The following PRPF8 variants were observed in gnomAD, a reference collection of about 807,000 sequenced individuals.
PRPF8 encodes the protein pre-mRNA-processing-splicing factor 8.
A neutral mutation model predicts 285.9 loss-of-function variants in PRPF8; 64 were observed. The ratio of observed to expected loss-of-function variants is 0.22; its 90% CI spans 0.18 to 0.28. The LOEUF (loss-of-function observed/expected upper bound fraction) is 0.28. Among genes scored for constraint, PRPF8 ranks in the 10% least tolerant of loss-of-function variants. PRPF8 has a pLI of 1.00. For missense variants in PRPF8, 1,426 were observed against 3,026.7 expected (o/e 0.47, Z 12.41); for synonymous variants, 1,325 against 1,118.2 (o/e 1.18, Z -3.69).
Position 1,676,148 on chromosome 17 carries a change from G to C in PRPF8, c.2552+59C>G. On this transcript the variant is annotated intron_variant, in intron 17 of 42. Transcript: ENST00000304992. The surrounding 1 kb of genome is among the most constrained non-coding windows in gnomAD (Gnocchi z 6.3). ...ACACCTTCTTTCTTTGGACTCTGAGGATGACGCCATTCCCTGCTGTCACCT... is the reference window on the plus strand; with the variant it reads ...ACACCTTCTTTCTTTGGACTCTGAGCATGACGCCATTCCCTGCTGTCACCT... The C allele has an allele frequency of 1.2e-6, 2 of 1,612,072 alleles. No homozygotes were observed. The highest frequency in any genetic ancestry group is 1.7e-6 in the Non-Finnish European group (2 of 1,179,844).
At chr17:1,667,081 G>A (rs770616425) in intron 24 of PRPF8, among the ~76,000 whole-genome samples, 1 of 152,136 alleles carries the variant, frequency 6.6e-6, no homozygotes. Context: ...GCTGAGGCAG[G>A]AGAATTACTT....
chr17:1,660,716 C>A lies in PRPF8; in HGVS notation c.4620G>T (p.Pro1540=), dbSNP rs781186541. 3 of 1,614,050 alleles carry A rather than the reference C, an allele frequency of 1.9e-6. No individual in the cohort carries two copies. Reference sequence around the variant, plus strand: ...CACTCACATTGGCTCGATTAATGGTCGGGGACCACCAGAGGGTGAATCTAC... The same window carrying A: ...CACTCACATTGGCTCGATTAATGGTAGGGGACCACCAGAGGGTGAATCTAC... ...PNRRFTLWWS[P]TINRANVYVG... Residue 1540 remains proline, a synonymous_variant, in exon 29 of 43, where the codon CCG becomes CCT. Transcript: ENST00000304992.
rs1597225826 is a variant in PRPF8 at position 1,653,279 on chromosome 17, G to C, written c.6369+263C>G. On this transcript the variant is annotated intron_variant, in intron 39 of 42. Coordinates refer to ENST00000304992, the MANE Select transcript of PRPF8 (RefSeq NM_006445.4). The surrounding 1 kb of genome is among the most constrained non-coding windows in gnomAD (Gnocchi z 4.9). ...CAGGCATGAGCCAGCACGCACACCTGGTCAGGAATTTGTTTCTGACCATAT... is the reference window on the plus strand; with the variant it reads ...CAGGCATGAGCCAGCACGCACACCTCGTCAGGAATTTGTTTCTGACCATAT... 5.1e-6 allele frequency: 3 copies of C among 590,120 alleles called. No homozygotes were observed. In the East Asian group the frequency reaches 8.8e-5, roughly 17 times the overall value. The allele number at this position is 590,120 out of a possible 1,614,324, so 36.6% of individuals were successfully genotyped here.
At chr17:1,663,363 A>G (rs951920776) in intron 24 of PRPF8, among the ~76,000 whole-genome samples, 9 of 152,160 alleles carry the variant, frequency 5.9e-5, no homozygotes, top group African/African-American at 2.2e-4. Flanking sequence ...TGATAGTTAC[A>G]TTAACCTTAA....
chr17:1,661,438 G>A lies in PRPF8; in HGVS notation c.4203-32C>T, dbSNP rs201402111. ...AAAAAAGAAAGATTCAAGTCAAAAC[G>A]TGATCTCATATGAGGAGCTCAGCAC... is the stretch of plus-strand genomic sequence containing the variant. On this transcript the variant is annotated intron_variant, in intron 26 of 42. Coordinates refer to ENST00000304992, the MANE Select transcript of PRPF8 (RefSeq NM_006445.4). The surrounding 1 kb of genome is among the most constrained non-coding windows in gnomAD (Gnocchi z 7.3). 66 of 1,613,856 alleles carry A rather than the reference G, an allele frequency of 4.1e-5. No individual in the cohort carries two copies. In the Middle Eastern group the frequency reaches 2.6e-3, roughly 64 times the overall value.
chr17:1,657,694 G>A (rs1381476127), intron 34 of PRPF8, among the ~76,000 whole-genome samples: 2 of 146,524 alleles, frequency 1.4e-5, no homozygotes, highest in Non-Finnish European at 3.0e-5. Context: ...CAGGAGCAGT[G>A]GCTCACACCT....
chr17:1,651,137 G>A lies in PRPF8; in HGVS notation c.6824C>T (p.Ala2275Val), dbSNP rs1911030632. The A allele has an allele frequency of 2.5e-6, 4 of 1,614,000 alleles. No individual in the cohort carries two copies. In the South Asian group the frequency reaches 3.3e-5, roughly 13 times the overall value. ...DRFLGFFMVP[A>V]QSSWNYNFMG... Reference sequence around the variant, plus strand: ...GAAGTTGTAGTTCCACGAGGACTGGGCAGGGACCATGAAGAAGCCAAGGAA... The same window carrying A: ...GAAGTTGTAGTTCCACGAGGACTGGACAGGGACCATGAAGAAGCCAAGGAA... Residue 2275 changes from alanine (A) to valine (V), a missense_variant, in exon 42 of 43, where the codon GCC becomes GTC. Physicochemically the swap from Ala to Val is moderately conservative, Grantham distance 64. Coordinates refer to ENST00000304992, the MANE Select transcript of PRPF8 (RefSeq NM_006445.4). The surrounding 1 kb of genome is among the most constrained non-coding windows in gnomAD (Gnocchi z 5.1).
rs145322204 is a variant in PRPF8, at chr17:1,662,315, G to A, written c.3775-162C>T. ...AAAGCAAAACACAATGAGGCTGGGC[G>A]CGATGGCTCATGCCTATAATCCCAG... On this transcript the variant is annotated intron_variant, in intron 24 of 42. Coordinates refer to ENST00000304992, the MANE Select transcript of PRPF8 (RefSeq NM_006445.4). Among the ~76,000 whole-genome samples the A allele has an allele frequency of 6.3e-4, 96 of 152,292 alleles. 3 individuals are homozygous for A. The South Asian group carries it at 9.7e-3, about 15-fold the overall frequency.
intron 20 of PRPF8, among the ~76,000 whole-genome samples, 157 bp downstream of exon 20, chr17:1,674,995 G>A (rs937432316): frequency 4.0e-5 from 6 of 151,764 alleles, no homozygotes; most frequent in East Asian, 1.9e-4. Context: ...GACTGGTCTC[G>A]AACTCCTGAC....
At position 1,683,800 on chromosome 17, in the gene PRPF8, A is replaced by G. The variant is rs1000478752; in HGVS notation, c.101-99T>C. 8.6e-6 allele frequency: 12 copies of G among 1,397,040 alleles called. No homozygotes were observed. The African/African-American group carries it at 1.0e-4, about 12-fold the overall frequency. 86.5% of individuals were successfully genotyped at this position (1,397,040 alleles called of 1,614,324 possible). A position where few individuals can be genotyped will look rare whatever the true frequency, so the allele number is the denominator to read the frequency against. ...CTCCTGTCAGTGAGTGTGAGGGAGA[A>G]GCAGGCACCAGCAGGAAGAAGCACC... On this transcript the variant is annotated intron_variant, in intron 2 of 42. Transcript: ENST00000304992.
At chr17:1,669,706 C>T (rs1912203466) in intron 24 of PRPF8, among the ~76,000 whole-genome samples, 1 of 152,216 alleles carries the variant, frequency 6.6e-6, no homozygotes, top group African/African-American at 2.4e-5. Flanking sequence ...CAGTCCTCAT[C>T]TAACTGAAAT....
chr17:1,684,391 C>A (rs1008016432), intron 2 of PRPF8, 81 bp downstream of exon 2: 1 of 1,419,976 alleles, frequency 7.0e-7, no homozygotes. Context: ...GCTGCCCAAA[C>A]GGGGAGGGTC....
chr17:1,665,322 G>A (rs190147796), intron 24 of PRPF8, among the ~76,000 whole-genome samples: 256 of 151,802 alleles, frequency 1.7e-3, no homozygotes, highest in African/African-American at 5.8e-3. Flanking sequence ...GGTGGATCAC[G>A]AGGTCAGGAG....
Position 1,653,813 on chromosome 17 carries a change from G to T in PRPF8, c.6191C>A (p.Thr2064Asn), listed in dbSNP as rs1911208818. 8 of 1,614,148 alleles carry T rather than the reference G, an allele frequency of 5.0e-6. No individual in the cohort carries two copies. The highest frequency in any genetic ancestry group is 5.1e-6 in the Non-Finnish European group (6 of 1,180,024). The change falls in exon 38 of 43, where the codon ACC becomes AAC. Residue 2064 changes from threonine to asparagine, a missense_variant. Physicochemically the swap from Thr to Asn is moderately conservative, Grantham distance 65. Coordinates refer to ENST00000304992, the MANE Select transcript of PRPF8 (RefSeq NM_006445.4). This position sits in a 1 kb window ranked among gnomAD's most constrained non-coding sequence, Gnocchi z 4.9. ...CTCAGTCTTGGATGAGAAAGTCTGG[G>T]TCTCATAGTTGCTGGTGGTGGAGGT... ...IITSTTSNYE[T>N]QTFSSKTEWR...
Position 1,675,911 on chromosome 17 carries a change from T to G in PRPF8, c.2679+17A>C, listed in dbSNP as rs1912581323. 6.2e-7 allele frequency: 1 copy of G among 1,613,944 alleles called. No homozygotes were observed. Among genetic ancestry groups the G allele is most frequent in the Non-Finnish European group, 8.5e-7 (1 of 1,180,002 alleles). On this transcript the variant is annotated intron_variant, in intron 18 of 42. Transcript: ENST00000304992. The surrounding 1 kb of genome is among the most constrained non-coding windows in gnomAD (Gnocchi z 6.0). ...CTTTGGTAGAACCAAAAAGAAAACT[T>G]GGGAGGCCTCACTCACCTCTTTGAA...
intron 24 of PRPF8, among the ~76,000 whole-genome samples, chr17:1,665,718 C>G (rs555725757): frequency 2.0e-5 from 3 of 151,398 alleles, no homozygotes; most frequent in Non-Finnish European, 4.4e-5. Context: ...CGGTGGCAGG[C>G]ATCTGTAATC....
intron 24 of PRPF8, among the ~76,000 whole-genome samples, chr17:1,664,027 T>C (rs1244488251): frequency 6.6e-6 from 1 of 152,172 alleles, no homozygotes; most frequent in African/African-American, 2.4e-5. Context: ...CTCACAGCTG[T>C]AGTTGGATCT....
chr17:1,679,688 G>C lies in PRPF8; in HGVS notation c.1210C>G (p.Leu404Val). 1 of 1,614,216 alleles carries C rather than the reference G, an allele frequency of 6.2e-7. No individual in the cohort carries two copies. Among genetic ancestry groups the C allele is most frequent in the Non-Finnish European group, 8.5e-7 (1 of 1,180,050 alleles). Residue 404 changes from leucine (L) to valine (V), a missense_variant, in exon 9 of 43, where the codon CTG (leucine) becomes GTG (valine). By Grantham distance (32) the Leu-to-Val change is conservative. Coordinates refer to ENST00000304992, the MANE Select transcript of PRPF8 (RefSeq NM_006445.4). This position sits in a 1 kb window ranked among gnomAD's most constrained non-coding sequence, Gnocchi z 4.7. ...TTGAAGGGCCGCGGGGCCCAGAGCA[G>C]GGCAATGCCATTGGCTGTATTGTCT... ...YTDNTANGIA[L>V]LWAPRPFNLR...
In PRPF8 at chr17:1,683,316, C is replaced by G. The variant is rs1451288218; in HGVS notation, c.269+217G>C. The G allele has an allele frequency of 4.7e-6, 3 of 640,042 alleles. No individual in the cohort carries two copies. In the South Asian group the frequency reaches 5.5e-5, roughly 12 times the overall value. The allele number at this position is 640,042 out of a possible 1,614,324, so 39.6% of individuals were successfully genotyped here. ...GGCCAGGGACATCTTATAATATCAT[C>G]AACAGGACAAATTAAAGCACCAGTC... On this transcript the variant is annotated intron_variant, in intron 3 of 42. Transcript: ENST00000304992.
Sources: allele counts gnomAD v4.1 joint callset (sites outside exome capture counted in the v4.1 genomes callset), GRCh38; gene constraint gnomAD v4.1.1; non-coding constraint Gnocchi (gnomAD v3.1); transcripts MANE v1.5; gene names NCBI Gene and HGNC (gene_info 2026-07-23, HGNC 2026-07-21).